The following MACC1 variants were observed in gnomAD, a reference collection of about 807,000 sequenced individuals.
MACC1 encodes the protein MET transcriptional regulator MACC1, also known as metastasis-associated in colon cancer protein 1.
MACC1 carries 79 observed loss-of-function variants against 70.7 expected under a neutral mutation model. The observed-to-expected ratio is 1.12, with a 90% CI of 0.93 to 1.35. MACC1 has a LOEUF of 1.35. Among genes scored for constraint, MACC1 ranks in the 40% most tolerant of loss-of-function variants. The pLI is 0.00. For synonymous variants in MACC1, 361 were observed against 347.2 expected, an observed-to-expected ratio of 1.04 and a Z score of -0.44; for missense variants, 1,106 against 978.1, an observed-to-expected ratio of 1.13 and a Z score of -1.74.
Position 20,140,632 on chromosome 7 carries a change from T to G in MACC1, c.*314A>C, listed in dbSNP as rs6964413. ...GGGCACTTTTCTTTTTTCTTTCCTT[T>G]CTAAGAACAAAGCAGCCTAATACTT... On this transcript the variant is annotated 3_prime_UTR_variant, in exon 7 of 7. Coordinates refer to ENST00000400331, the MANE Select transcript of MACC1 (RefSeq NM_182762.4). 8.0e-3 allele frequency: 1,936 copies of G among 241,588 alleles called. 40 individuals are homozygous for G. Among genetic ancestry groups the G allele is most frequent in the African/African-American group, 0.04 (1,826 of 45,376 alleles). 15.0% of individuals were successfully genotyped at this position (241,588 alleles called of 1,614,324 possible).
At chr7:20,193,441 T>A (rs1204792466) in intron 1 of MACC1, among the ~76,000 whole-genome samples, 1 of 152,220 alleles carries the variant, frequency 6.6e-6, no homozygotes, top group Non-Finnish European at 1.5e-5. Flanking sequence ...TTGGAAGGAA[T>A]TTTGAAGAAG....
intron 2 of MACC1, among the ~76,000 whole-genome samples, chr7:20,166,795 T>C (rs1015379735): frequency 2.0e-5 from 3 of 152,206 alleles, no homozygotes; most frequent in Non-Finnish European, 4.4e-5. Flanking sequence ...AAGATGTCTA[T>C]CACTTCTTTC....
chr7:20,188,393 T>C (rs1025699793), intron 1 of MACC1, among the ~76,000 whole-genome samples: 1 of 152,218 alleles, frequency 6.6e-6, no homozygotes, highest in Non-Finnish European at 1.5e-5. Flanking sequence ...AGCATGTCCA[T>C]TCCTGCTCAT....
chr7:20,204,985 A>C (rs1782890278), intron 1 of MACC1, among the ~76,000 whole-genome samples: 1 of 152,228 alleles, frequency 6.6e-6, no homozygotes. Context: ...ATTTAGATCT[A>C]TAATTAAATT....
intron 1 of MACC1, among the ~76,000 whole-genome samples, chr7:20,212,091 C>T (rs867779688): frequency 5.9e-5 from 9 of 152,180 alleles, no homozygotes; most frequent in Admixed American, 2.6e-4. Flanking sequence ...GCAGTGATAT[C>T]GACAAAGATA....
At chr7:20,172,287 A>C (rs1455756909) in intron 1 of MACC1, among the ~76,000 whole-genome samples, 1 of 152,226 alleles carries the variant, frequency 6.6e-6, no homozygotes, top group Non-Finnish European at 1.5e-5. Context: ...GCCCTGTTTT[A>C]AAATCCAAAC....
At chr7:20,177,218 T>C (rs983826490) in intron 1 of MACC1, among the ~76,000 whole-genome samples, 2 of 152,146 alleles carry the variant, frequency 1.3e-5, no homozygotes, top group African/African-American at 4.8e-5. Flanking sequence ...AAACCGGAAA[T>C]ACACAAGCAC....
intron 1 of MACC1, among the ~76,000 whole-genome samples, chr7:20,189,990 T>C (rs745826575): frequency 1.3e-5 from 2 of 152,210 alleles, no homozygotes; most frequent in Non-Finnish European, 2.9e-5. Flanking sequence ...TGTTTTCATG[T>C]AGTGGAAAAC....
chr7:20,203,388 C>T (rs1242553416), intron 1 of MACC1, among the ~76,000 whole-genome samples: 2 of 152,168 alleles, frequency 1.3e-5, no homozygotes, highest in African/African-American at 4.8e-5. Flanking sequence ...CGAGAACCAG[C>T]AAATATTTAT....
At chr7:20,143,258 A>G (rs567262054) in intron 6 of MACC1, among the ~76,000 whole-genome samples, 1 of 152,338 alleles carries the variant, frequency 6.6e-6, no homozygotes, top group South Asian at 2.1e-4. Flanking sequence ...GAGGGCAGGA[A>G]ATACCACAGG....
chr7:20,141,248 G>T, intron 6 of MACC1, 90 bp from the exon 7 acceptor site: 3 of 848,830 alleles, frequency 3.5e-6, no homozygotes, highest in Non-Finnish European at 3.5e-6. Context: ...AGCCTCTTAA[G>T]ATTTAAGATA....
chr7:20,146,436 G>C (rs973329793), intron 6 of MACC1, among the ~76,000 whole-genome samples: 2 of 152,080 alleles, frequency 1.3e-5, no homozygotes, highest in Non-Finnish European at 2.9e-5. Context: ...TATGAAATTT[G>C]CCCTAAAATA....
chr7:20,213,084 T>A (rs1023552652), intron 1 of MACC1, among the ~76,000 whole-genome samples: 3 of 152,110 alleles, frequency 2.0e-5, no homozygotes, highest in Non-Finnish European at 4.4e-5. Flanking sequence ...AATTAAGATG[T>A]GGAAAATGCA....
In MACC1 at chr7:20,215,914, T is replaced by C. The variant is rs575332808; in HGVS notation, c.-218+1385A>G. The stretch of plus-strand genomic sequence containing the variant: ...AGGAAGTTGAGAAAACTGGAATAAA[T>C]AATATTTTTGCTTTAAGTTTTAAAA... On this transcript the variant is annotated intron_variant, in intron 1 of 6. Coordinates refer to ENST00000400331, the MANE Select transcript of MACC1 (RefSeq NM_182762.4). 1.1e-4 allele frequency among the ~76,000 whole-genome samples: 17 copies of C among 152,300 alleles called. No homozygotes were observed. The East Asian group carries it at 3.3e-3, about 29-fold the overall frequency.
At chr7:20,167,908 T>C (rs563158602) in intron 2 of MACC1, among the ~76,000 whole-genome samples, 6 of 152,340 alleles carry the variant, frequency 3.9e-5, no homozygotes, top group South Asian at 2.1e-4. Flanking sequence ...ATTTTCATTT[T>C]TCACTGGTGC....
At chr7:20,206,745 T>C (rs1280772593) in intron 1 of MACC1, among the ~76,000 whole-genome samples, 2 of 152,216 alleles carry the variant, frequency 1.3e-5, no homozygotes, top group Non-Finnish European at 2.9e-5. Flanking sequence ...CACAGGTATG[T>C]CAAAGTTGGC....
intron 1 of MACC1, among the ~76,000 whole-genome samples, chr7:20,203,790 A>T (rs116738135): frequency 0.014 from 2,082 of 152,274 alleles, 44 homozygotes; most frequent in African/African-American, 0.047. Flanking sequence ...TCTGAAATCA[A>T]TCGTCTTGGA....
chr7:20,203,703 C>T (rs758591923), intron 1 of MACC1, among the ~76,000 whole-genome samples: 7 of 152,094 alleles, frequency 4.6e-5, no homozygotes, highest in Non-Finnish European at 8.8e-5. Context: ...TTTATTGCAA[C>T]TTGGAAGTCA....
intron 4 of MACC1, 97 bp from the exon 5 acceptor site, chr7:20,160,342 T>C: frequency 7.2e-7 from 1 of 1,386,496 alleles, no homozygotes; most frequent in Middle Eastern, 1.9e-4. Context: ...AATTCAGGAC[T>C]TACTTTTCAT....
Sources: allele counts gnomAD v4.1 joint callset (sites outside exome capture counted in the v4.1 genomes callset), GRCh38; gene constraint gnomAD v4.1.1; transcripts MANE v1.5; gene names NCBI Gene and HGNC (gene_info 2026-07-23, HGNC 2026-07-21).